PCDHGB4: variants seen among roughly 807,000 people sequenced by gnomAD.
The protein encoded by PCDHGB4 is protocadherin gamma-B4.
In PCDHGB4, 38 loss-of-function variants were observed where a neutral mutation model predicts 60.5. That is an observed-to-expected ratio of 0.63 (90% CI 0.48 to 0.82). The LOEUF is 0.82. Ranked by LOEUF, PCDHGB4 falls within the 40% of genes least tolerant of loss-of-function variation. The pLI is 0.00. For synonymous variants in PCDHGB4, 456 were observed against 509.7 expected (o/e 0.89, Z 1.42); for missense variants, 1,109 against 1,209.6 (o/e 0.92, Z 1.23).
rs750827454 is a variant in PCDHGB4, at chr5:141,394,736, C to T, written c.2397+4455C>T. The stretch of plus-strand genomic sequence containing the variant: ...TGGACAGAGATGCGCTCAAGCAGAG[C>T]CTCGTGGTGGCCGTCCAGGACCATG... On this transcript the variant is annotated intron_variant, in intron 1 of 3. Transcript: ENST00000519479. 13 of 1,613,338 alleles carry T rather than the reference C, an allele frequency of 8.1e-6. No homozygotes were observed. The African/African-American group carries it at 1.5e-4, about 18-fold the overall frequency.
intron 1 of PCDHGB4, among the ~76,000 whole-genome samples, chr5:141,465,319 T>A (rs184635197): frequency 4.6e-5 from 7 of 152,324 alleles, no homozygotes; most frequent in Admixed American, 1.3e-4. Flanking sequence ...GCCATGTCAA[T>A]GCAGTATTTT....
At chr5:141,503,729 G>C (rs531112359) in intron 2 of PCDHGB4, among the ~76,000 whole-genome samples, 1 of 152,190 alleles carries the variant, frequency 6.6e-6, no homozygotes, top group East Asian at 1.9e-4. Flanking sequence ...CTTTATGTTT[G>C]TTGTGATGGT....
intron 1 of PCDHGB4, among the ~76,000 whole-genome samples, chr5:141,439,104 A>G (rs924055175): frequency 6.6e-6 from 1 of 151,676 alleles, no homozygotes; most frequent in African/African-American, 2.4e-5. Flanking sequence ...GAGGCAAGAG[A>G]ATCACTTGAA....
intron 1 of PCDHGB4, chr5:141,414,723 C>T (rs775890033): frequency 1.9e-6 from 3 of 1,614,170 alleles, no homozygotes. Context: ...CAGACACTGG[C>T]GTCCTGTATG....
In PCDHGB4 at chr5:141,418,416, C is replaced by G. The variant is rs377542164; in HGVS notation, c.2397+28135C>G. The G allele has an allele frequency of 2.9e-5, 46 of 1,613,866 alleles. No homozygotes were observed. Among genetic ancestry groups the G allele is most frequent in the Non-Finnish European group, 3.4e-5 (40 of 1,179,880 alleles). ...TTCTCATTGGTGGAGAAAGACAATC[C>G]TGATGGTGGCAAATATCCAGAATTA... On this transcript the variant is annotated intron_variant, in intron 1 of 3. Transcript: ENST00000519479.
Position 141,485,119 on chromosome 5 carries a change from C to A in PCDHGB4, c.2398-9688C>A. 3.0e-6 allele frequency: 4 copies of A among 1,328,812 alleles called. No homozygotes were observed. Among genetic ancestry groups the A allele is most frequent in the Non-Finnish European group, 4.3e-6 (4 of 935,940 alleles). The allele number at this position is 1,328,812 out of a possible 1,614,324, so 82.3% of individuals were successfully genotyped here. ...CTCCAGCTGCTGTGGCTGTTTGGGG[C>A]GGGTCGGCTTCATCCGCGTCTCAGG... On this transcript the variant is annotated intron_variant, in intron 1 of 3. Transcript: ENST00000519479. This position sits in a 1 kb window ranked among gnomAD's most constrained non-coding sequence, Gnocchi z 5.7.
intron 1 of PCDHGB4, chr5:141,478,463 G>A: frequency 6.2e-7 from 1 of 1,613,424 alleles, no homozygotes; most frequent in South Asian, 1.1e-5. Context: ...CAGTCCACTG[G>A]CCAGCCGCCA....
chr5:141,481,445 T>C (rs760413279), intron 1 of PCDHGB4, among the ~76,000 whole-genome samples: 2 of 152,260 alleles, frequency 1.3e-5, no homozygotes, highest in Non-Finnish European at 2.9e-5. Context: ...GTTTAGTACA[T>C]GTAAATACAC....
At position 141,489,219 on chromosome 5, in the gene PCDHGB4, T is replaced by C; in HGVS notation, c.2398-5588T>C. 1 of 1,502,828 alleles carries C rather than the reference T, an allele frequency of 6.7e-7. No homozygotes were observed. Among genetic ancestry groups the C allele is most frequent in the Non-Finnish European group, 8.9e-7 (1 of 1,117,962 alleles). 93.1% of individuals were successfully genotyped at this position (1,502,828 alleles called of 1,614,324 possible). On this transcript the variant is annotated intron_variant, in intron 1 of 3. Transcript: ENST00000519479. This position sits in a 1 kb window ranked among gnomAD's most constrained non-coding sequence, Gnocchi z 4.5. ...GAGACAGGACAGCACAGACTTACTC[T>C]CCACAAAGGGACTTCTGGGTCATGG...
intron 2 of PCDHGB4, among the ~76,000 whole-genome samples, chr5:141,496,189 G>A (rs1362938002): frequency 1.3e-5 from 2 of 152,004 alleles, no homozygotes; most frequent in Admixed American, 6.6e-5. Flanking sequence ...AGCCCCAGCT[G>A]CTCATTTCAA....
intron 1 of PCDHGB4, chr5:141,479,198 GA>G (rs1288699377): frequency 6.6e-6 from 1 of 152,304 alleles, no homozygotes; most frequent in African/African-American, 2.4e-5. Context: ...AGAAAATACA[GA>G]AAAGTATTTA....
intron 1 of PCDHGB4, among the ~76,000 whole-genome samples, chr5:141,481,620 C>G (rs1449979532): frequency 6.6e-6 from 1 of 152,112 alleles, no homozygotes; most frequent in African/African-American, 2.4e-5. Context: ...GAGTTCAAGA[C>G]CGGCCTGGCC....
rs2099745754 is a variant in PCDHGB4 at position 141,493,023 on chromosome 5, T to A, written c.2398-1784T>A. Among the ~76,000 whole-genome samples the A allele has an allele frequency of 6.6e-6, 1 of 152,190 alleles. No individual in the cohort carries two copies. The highest frequency in any genetic ancestry group is 2.4e-5 in the African/African-American group (1 of 41,450). On this transcript the variant is annotated intron_variant, in intron 1 of 3. Coordinates refer to ENST00000519479, the MANE Select transcript of PCDHGB4 (RefSeq NM_003736.4). The surrounding 1 kb of genome is among the most constrained non-coding windows in gnomAD (Gnocchi z 4.3). ...CTATAGGCTCTGCCAGATGCCAGGGTGCCCTTATGTGTGAGGAAACTACAA... is the reference window on the plus strand; with the variant it reads ...CTATAGGCTCTGCCAGATGCCAGGGAGCCCTTATGTGTGAGGAAACTACAA...
In PCDHGB4 at chr5:141,450,141, G is replaced by A. The variant is rs762961199; in HGVS notation, c.2398-44666G>A. On this transcript the variant is annotated intron_variant, in intron 1 of 3. Transcript: ENST00000519479. ...CCTGCCTTAGCCTCCTGAGTAGCTG[G>A]GACTACAGGCATGTGCCACCACACT... Among the ~76,000 whole-genome samples, 401 of 151,622 alleles carry A rather than the reference G, an allele frequency of 2.6e-3. 1 individual carries two copies. The highest frequency in any genetic ancestry group is 3.8e-3 in the Non-Finnish European group (260 of 67,912).
At position 141,432,646 on chromosome 5, in the gene PCDHGB4, G is replaced by A. The variant is rs780822589; in HGVS notation, c.2397+42365G>A. 9.3e-6 allele frequency: 15 copies of A among 1,613,690 alleles called. No individual in the cohort carries two copies. The highest frequency in any genetic ancestry group is 1.3e-5 in the Non-Finnish European group (15 of 1,179,944). ...TGCACACGGGCGAGGTGCGCACGGCGCGAGCCCTGCTGGACAGAGACGCGC... is the reference window on the plus strand; with the variant it reads ...TGCACACGGGCGAGGTGCGCACGGCACGAGCCCTGCTGGACAGAGACGCGC... On this transcript the variant is annotated intron_variant, in intron 1 of 3. Transcript: ENST00000519479. This position sits in a 1 kb window ranked among gnomAD's most constrained non-coding sequence, Gnocchi z 6.0.
chr5:141,392,548 T>C (rs1252345592), intron 1 of PCDHGB4: 1 of 344,860 alleles, frequency 2.9e-6, no homozygotes, highest in African/African-American at 2.1e-5. Context: ...AAGTAATCTG[T>C]ATCTCAGTGC....
rs776211508 is a variant in PCDHGB4, at chr5:141,491,001, C to T, written c.2398-3806C>T. On this transcript the variant is annotated intron_variant, in intron 1 of 3. Transcript: ENST00000519479. The surrounding 1 kb of genome is among the most constrained non-coding windows in gnomAD (Gnocchi z 6.9). The stretch of plus-strand genomic sequence containing the variant: ...TCCCTCGCTCTGCTCCTCCTGGCTC[C>T]TTGGTCACCAAGGTGACAGCCGTGG... The T allele has an allele frequency of 6.2e-7, 1 of 1,614,140 alleles. No individual in the cohort carries two copies. Among genetic ancestry groups the T allele is most frequent in the Non-Finnish European group, 8.5e-7 (1 of 1,180,044 alleles).
In PCDHGB4 at chr5:141,423,081, C is replaced by T. The variant is rs1393904828; in HGVS notation, c.2397+32800C>T. 3.1e-6 allele frequency: 5 copies of T among 1,613,966 alleles called. No individual in the cohort carries two copies. The African/African-American group carries it at 4.0e-5, about 13-fold the overall frequency. ...TTAAGGCCAGCGAGCCGGGACTCTT[C>T]GCGGTGGGGGAGCACACGGGCGAGG... is the stretch of plus-strand genomic sequence containing the variant. On this transcript the variant is annotated intron_variant, in intron 1 of 3. Coordinates refer to ENST00000519479, the MANE Select transcript of PCDHGB4 (RefSeq NM_003736.4).
chr5:141,510,252 G>A (rs1342841474), intron 3 of PCDHGB4, among the ~76,000 whole-genome samples: 4 of 148,432 alleles, frequency 2.7e-5, no homozygotes, highest in Admixed American at 1.3e-4. Context: ...CAGGCTGGGC[G>A]ACAGAGCAGG....
Sources: gnomAD v4.1 joint callset for allele counts (sites outside exome capture counted in the v4.1 genomes callset) on GRCh38, gnomAD v4.1.1 for gene constraint, Gnocchi (gnomAD v3.1) non-coding constraint, MANE v1.5 for transcripts, NCBI Gene and HGNC (gene_info 2026-07-23, HGNC 2026-07-21) for gene names.